The following LDB2 variants were observed in gnomAD, a reference collection of about 807,000 sequenced individuals.
The protein encoded by LDB2 is LIM domain-binding protein 2.
A neutral mutation model predicts 44.3 loss-of-function variants in LDB2; 12 were observed. That is an observed-to-expected ratio of 0.27 (90% CI 0.17 to 0.44). The LOEUF (loss-of-function observed/expected upper bound fraction) is 0.44. Ranked by LOEUF, LDB2 falls within the 20% of genes least tolerant of loss-of-function variation. The pLI, the probability that LDB2 is intolerant of heterozygous loss-of-function variation, is 1.00. For missense variants in LDB2, 344 were observed against 473.5 expected, an observed-to-expected ratio of 0.73 and a Z score of 2.54; for synonymous variants, 164 against 174.8, an observed-to-expected ratio of 0.94 and a Z score of 0.49.
At chr4:16,671,795 G>A (rs1336771531) in intron 2 of LDB2, among the ~76,000 whole-genome samples, 1 of 152,038 alleles carries the variant, frequency 6.6e-6, no homozygotes, top group Non-Finnish European at 1.5e-5. Context: ...TCCACCGAGA[G>A]CTCCTCCACA....
chr4:16,625,170 C>T (rs1471548808), intron 2 of LDB2, among the ~76,000 whole-genome samples: 2 of 152,152 alleles, frequency 1.3e-5, no homozygotes, highest in Admixed American at 1.3e-4. Context: ...TAAGTCCCTG[C>T]AGCCCACCCC....
intron 2 of LDB2, among the ~76,000 whole-genome samples, chr4:16,679,775 G>A (rs865793486): frequency 1.3e-5 from 2 of 152,174 alleles, no homozygotes; most frequent in South Asian, 4.1e-4. Context: ...GGCCAGAGGT[G>A]AGGGTGGGCA....
chr4:16,694,264 A>T (rs1035832115), intron 2 of LDB2, among the ~76,000 whole-genome samples: 9 of 152,178 alleles, frequency 5.9e-5, no homozygotes, highest in Admixed American at 5.9e-4. Context: ...CTTTACAAAC[A>T]CGTTGCCATA....
chr4:16,607,479 A>T (rs2152458646), intron 2 of LDB2, among the ~76,000 whole-genome samples: 2 of 152,350 alleles, frequency 1.3e-5, no homozygotes, highest in East Asian at 3.9e-4. Context: ...CTACTTACTC[A>T]TACTGTGACC....
intron 5 of LDB2, among the ~76,000 whole-genome samples, chr4:16,563,620 T>C (rs1743366020): frequency 6.6e-6 from 1 of 150,782 alleles, no homozygotes; most frequent in Non-Finnish European, 1.5e-5. Flanking sequence ...GGCTAATTTT[T>C]TTTTTTTTTT....
rs182028960 is a variant in LDB2 at position 16,686,007 on chromosome 4, G to A, written c.235+73151C>T. Among the ~76,000 whole-genome samples, 552 of 152,214 alleles carry A rather than the reference G, an allele frequency of 3.6e-3. 5 individuals carry two copies. Among genetic ancestry groups the A allele is most frequent in the African/African-American group, 0.013 (527 of 41,512 alleles). Reference sequence around the variant, plus strand: ...GTGGAGGTTTCAGTGAGCTGAGATCGTGCCACTGCACTCCAGCATGGGTGA... The same window carrying A: ...GTGGAGGTTTCAGTGAGCTGAGATCATGCCACTGCACTCCAGCATGGGTGA... On this transcript the variant is annotated intron_variant, in intron 2 of 7. Coordinates refer to ENST00000304523, the MANE Select transcript of LDB2 (RefSeq NM_001290.5).
intron 5 of LDB2, among the ~76,000 whole-genome samples, chr4:16,578,335 G>A (rs1029407061): frequency 1.3e-5 from 2 of 152,000 alleles, no homozygotes; most frequent in Non-Finnish European, 2.9e-5. Flanking sequence ...CATAATACAC[G>A]AGAAGATCAA....
At chr4:16,607,378 C>T (rs1241208560) in intron 2 of LDB2, among the ~76,000 whole-genome samples, 2 of 152,186 alleles carry the variant, frequency 1.3e-5, no homozygotes, top group African/African-American at 2.4e-5. Flanking sequence ...TCCTCCTTGC[C>T]CTTTTGTCTC....
intron 5 of LDB2, among the ~76,000 whole-genome samples, chr4:16,564,744 C>T (rs1743872623): frequency 6.6e-6 from 1 of 152,160 alleles, no homozygotes; most frequent in Non-Finnish European, 1.5e-5. Context: ...AAGAAACTCT[C>T]CACAAAAAAG....
intron 2 of LDB2, among the ~76,000 whole-genome samples, chr4:16,599,483 A>G (rs1403347874): frequency 6.6e-6 from 1 of 152,096 alleles, no homozygotes; most frequent in South Asian, 2.1e-4. Context: ...TCCTTAACTT[A>G]TCAGATCTGC....
intron 2 of LDB2, among the ~76,000 whole-genome samples, chr4:16,668,424 T>G (rs1743883632): frequency 6.6e-6 from 1 of 152,154 alleles, no homozygotes; most frequent in Admixed American, 6.5e-5. Context: ...CTCAGTCTCT[T>G]CAAATCCTGC....
At chr4:16,723,895 T>A in intron 2 of LDB2, among the ~76,000 whole-genome samples, 1 of 152,128 alleles carries the variant, frequency 6.6e-6, no homozygotes, top group Non-Finnish European at 1.5e-5. Flanking sequence ...CCACCTCTTC[T>A]TGTCAATGAC....
At chr4:16,610,930 G>A (rs1392082051) in intron 2 of LDB2, among the ~76,000 whole-genome samples, 5 of 152,150 alleles carry the variant, frequency 3.3e-5, no homozygotes, top group Non-Finnish European at 7.3e-5. Flanking sequence ...CGCCAAGGTT[G>A]AAATGAAGAA....
chr4:16,895,049 TGATTTTGA>T (rs1301503183), intron 1 of LDB2, among the ~76,000 whole-genome samples: 1 of 151,232 alleles, frequency 6.6e-6, no homozygotes, highest in Non-Finnish European at 1.5e-5. Context: ...TGTGATTTTG[TGATTTTGA>T]ACTAAATACC....
intron 2 of LDB2, among the ~76,000 whole-genome samples, chr4:16,753,605 C>T (rs1765898037): frequency 6.6e-6 from 1 of 152,180 alleles, no homozygotes; most frequent in African/African-American, 2.4e-5. Flanking sequence ...AGAGTGATGA[C>T]ATTTCTTAAA....
chr4:16,857,053 C>G (rs6832826), intron 1 of LDB2, among the ~76,000 whole-genome samples: 3 of 152,118 alleles, frequency 2.0e-5, no homozygotes, highest in Non-Finnish European at 4.4e-5. Flanking sequence ...CTTCTTAGAG[C>G]TTTTGTTGAC....
chr4:16,841,292 A>G (rs1785850632), intron 1 of LDB2, among the ~76,000 whole-genome samples: 1 of 152,242 alleles, frequency 6.6e-6, no homozygotes, highest in East Asian at 1.9e-4. Flanking sequence ...CTATTTTAGC[A>G]CATAGAAAAT....
At chr4:16,586,425 G>A (rs1019120742) in intron 4 of LDB2, among the ~76,000 whole-genome samples, 1 of 151,418 alleles carries the variant, frequency 6.6e-6, no homozygotes, top group African/African-American at 2.4e-5. Flanking sequence ...CTGTGATAGC[G>A]GTGGTGTTTT....
At chr4:16,861,877 T>C (rs780569738) in intron 1 of LDB2, among the ~76,000 whole-genome samples, 5 of 152,182 alleles carry the variant, frequency 3.3e-5, no homozygotes, top group Non-Finnish European at 7.3e-5. Flanking sequence ...CTCCCGAACC[T>C]ATACACCTGC....
Sources: allele counts gnomAD v4.1 joint callset (sites outside exome capture counted in the v4.1 genomes callset), GRCh38; gene constraint gnomAD v4.1.1; transcripts MANE v1.5; gene names NCBI Gene and HGNC (gene_info 2026-07-23, HGNC 2026-07-21).